SLC18A1: variants seen among roughly 807,000 people sequenced by gnomAD.
The protein encoded by SLC18A1 is solute carrier family 18 member A1, also known as chromaffin granule amine transporter.
Under a neutral mutation model 53.7 loss-of-function variants are expected in SLC18A1, and 69 were observed. The ratio of observed to expected loss-of-function variants is 1.28; its 90% CI spans 1.06 to 1.57. The LOEUF is 1.57. Among genes scored for constraint, SLC18A1 ranks in the 40% most tolerant of loss-of-function variants. SLC18A1 has a pLI of 0.00. For missense variants in SLC18A1, 932 were observed against 668.1 expected (o/e 1.40, Z -4.35); for synonymous variants, 320 against 248.1 (o/e 1.29, Z -2.72).
chr8:20,170,764 T>C (rs902320155), intron 8 of SLC18A1, among the ~76,000 whole-genome samples: 2 of 117,810 alleles, frequency 1.7e-5, no homozygotes, highest in Admixed American at 8.8e-5. Context: ...TGTGTGCACA[T>C]ATATATATAT....
At chr8:20,158,543 C>G (rs951270875) in intron 10 of SLC18A1, among the ~76,000 whole-genome samples, 4 of 152,118 alleles carry the variant, frequency 2.6e-5, no homozygotes, top group Non-Finnish European at 4.4e-5. Context: ...ATTCCACCTC[C>G]TTTCCCTACC....
At chr8:20,159,634 CAAA>C (rs200123466) in intron 10 of SLC18A1, among the ~76,000 whole-genome samples, 92 of 81,480 alleles carry the variant, frequency 1.1e-3, no homozygotes, top group African/African-American at 3.1e-3. Flanking sequence ...TTGCAGCTGC[CAAA>C]AAAAAAAAAA....
chr8:20,172,159 A>T (rs2072139129), intron 6 of SLC18A1, among the ~76,000 whole-genome samples: 1 of 152,198 alleles, frequency 6.6e-6, no homozygotes, highest in African/African-American at 2.4e-5. Context: ...CCAGATTCTA[A>T]CCCAGAAGTG....
intron 8 of SLC18A1, among the ~76,000 whole-genome samples, chr8:20,165,896 T>A (rs1304883178): frequency 6.6e-6 from 1 of 152,154 alleles, no homozygotes; most frequent in Non-Finnish European, 1.5e-5. Context: ...TCCTAATCCT[T>A]CATGGTGTTT....
intron 2 of SLC18A1, among the ~76,000 whole-genome samples, chr8:20,180,624 C>A (rs2072400906): frequency 6.6e-6 from 1 of 152,174 alleles, no homozygotes; most frequent in Admixed American, 6.5e-5. Flanking sequence ...TCTGGACCTC[C>A]TGCTCTTTGA....
rs553378845 is a variant in SLC18A1, at chr8:20,175,724, G to A, written c.548-1280C>T. 8.4e-4 allele frequency: 128 copies of A among 152,260 alleles called. 1 individual carries two copies. Among genetic ancestry groups the A allele is most frequent in the African/African-American group, 3.0e-3 (125 of 41,546 alleles). 9.4% of individuals were successfully genotyped at this position (152,260 alleles called of 1,614,324 possible). A position where few individuals can be genotyped will look rare whatever the true frequency, so the allele number is the denominator to read the frequency against. ...TAAGAATAATCTCCTCGAAGTGTCT[G>A]AATCAGAAGAATTGTAATCCCTTTG... On this transcript the variant is annotated intron_variant, in intron 4 of 15. Transcript: ENST00000276373.
At chr8:20,171,551 G>A (rs1045621326) in intron 6 of SLC18A1, 57 bp from the exon 7 acceptor site, 2 of 1,359,282 alleles carry the variant, frequency 1.5e-6, no homozygotes, top group Admixed American at 3.4e-5. Flanking sequence ...TTTGCAGTGA[G>A]AATTATCCAT....
At chr8:20,149,457 G>A (rs975866275) in intron 12 of SLC18A1, among the ~76,000 whole-genome samples, 2 of 151,984 alleles carry the variant, frequency 1.3e-5, no homozygotes, top group African/African-American at 4.8e-5. Context: ...ACTGCAGCTG[G>A]TGGCCTCTTC....
chr8:20,169,372 C>T (rs2072052853), intron 8 of SLC18A1, among the ~76,000 whole-genome samples: 1 of 151,972 alleles, frequency 6.6e-6, no homozygotes, highest in Non-Finnish European at 1.5e-5. Flanking sequence ...GAATAATTGA[C>T]ACAATCAGAG....
Position 20,158,236 on chromosome 8 carries a change from G to A in SLC18A1, c.1015+6633C>T, listed in dbSNP as rs143620357. ...TCCCTGACAACTGTCCTCCAGATCT[G>A]TCACTATCTGAGAGGTCCTAGGACA... On this transcript the variant is annotated intron_variant, in intron 10 of 15. Coordinates refer to ENST00000276373, the MANE Select transcript of SLC18A1 (RefSeq NM_003053.4). Among the ~76,000 whole-genome samples the A allele has an allele frequency of 3.3e-3, 495 of 152,262 alleles. 2 individuals are homozygous for A. Among genetic ancestry groups the A allele is most frequent in the African/African-American group, 0.011 (440 of 41,554 alleles).
chr8:20,148,875 G>T (rs889857249), intron 12 of SLC18A1, among the ~76,000 whole-genome samples: 1 of 152,126 alleles, frequency 6.6e-6, no homozygotes. Flanking sequence ...CAGACACTGT[G>T]GTTTATTTGG....
intron 11 of SLC18A1, 64 bp downstream of exon 11, chr8:20,150,602 T>C: frequency 2.9e-6 from 4 of 1,378,912 alleles, no homozygotes; most frequent in Non-Finnish European, 4.1e-6. Context: ...CATTCCAAGA[T>C]CAGGAACGGG....
Position 20,165,111 on chromosome 8 carries a change from A to C in SLC18A1, c.859-4T>G. The stretch of plus-strand genomic sequence containing the variant: ...AGAGGGGAGTCCCCTTGGCACTCTG[A>C]GAACATGGATAACAAAAAATGTCCA... On this transcript the variant is annotated splice_polypyrimidine_tract_variant and splice_region_variant and intron_variant, in intron 8 of 15. Coordinates refer to ENST00000276373, the MANE Select transcript of SLC18A1 (RefSeq NM_003053.4). 6.2e-7 allele frequency: 1 copy of C among 1,613,776 alleles called. No homozygotes were observed. Among genetic ancestry groups the C allele is most frequent in the Non-Finnish European group, 8.5e-7 (1 of 1,179,618 alleles).
intron 10 of SLC18A1, among the ~76,000 whole-genome samples, chr8:20,158,339 TGCCTGAAG>T (rs2071732708): frequency 6.6e-6 from 1 of 152,206 alleles, no homozygotes; most frequent in Non-Finnish European, 1.5e-5. Flanking sequence ...TTTCTAATTA[TGCCTGAAG>T]GCCCCACTTC....
chr8:20,159,437 G>C (rs1456870017), intron 10 of SLC18A1, among the ~76,000 whole-genome samples: 3 of 152,042 alleles, frequency 2.0e-5, no homozygotes, highest in Middle Eastern at 3.4e-3. Context: ...ATAGTAAAGA[G>C]AGCTCACTAA....
At chr8:20,179,976 A>G (rs922097003) in intron 2 of SLC18A1, among the ~76,000 whole-genome samples, 1 of 152,210 alleles carries the variant, frequency 6.6e-6, no homozygotes, top group African/African-American at 2.4e-5. Context: ...ACCCCTGGAC[A>G]GGGTTTGAAT....
chr8:20,156,794 G>T (rs2071693240), intron 10 of SLC18A1, among the ~76,000 whole-genome samples: 1 of 152,204 alleles, frequency 6.6e-6, no homozygotes, highest in African/African-American at 2.4e-5. Context: ...AAATGCCCTA[G>T]TGGGCAAAAA....
At chr8:20,160,611 T>C (rs1173837070) in intron 10 of SLC18A1, among the ~76,000 whole-genome samples, 1 of 152,146 alleles carries the variant, frequency 6.6e-6, no homozygotes. Flanking sequence ...GGCTAATCCA[T>C]TTAGGATTCC....
At position 20,174,426 on chromosome 8, in the gene SLC18A1, G is replaced by C. The variant is rs756557234; in HGVS notation, c.566C>G (p.Thr189Ser). 4.3e-5 allele frequency: 69 copies of C among 1,613,704 alleles called. No homozygotes were observed. Among genetic ancestry groups the C allele is most frequent in the Admixed American group, 5.0e-5 (3 of 59,968 alleles). Residue 189 changes from threonine to serine, a missense_variant, in exon 5 of 16, where the codon ACC becomes AGC. Transcript: ENST00000276373. ...LSTVMFAFSG[T>S]YTLLFVARTL... Reference sequence around the variant, plus strand: ...TCGGGCCACAAAGAGTAGAGTATAGGTCCCAGAAAAAGCAAACACTGGGCA... The same window carrying C: ...TCGGGCCACAAAGAGTAGAGTATAGCTCCCAGAAAAAGCAAACACTGGGCA...
Sources: allele counts gnomAD v4.1 joint callset (sites outside exome capture counted in the v4.1 genomes callset), GRCh38; gene constraint gnomAD v4.1.1; transcripts MANE v1.5; gene names NCBI Gene and HGNC (gene_info 2026-07-23, HGNC 2026-07-21).